Variants in DOCK1 observed in about 807,000 individuals in gnomAD.
The protein encoded by DOCK1 is dedicator of cytokinesis 1.
A neutral mutation model predicts 262.7 loss-of-function variants in DOCK1; 138 were observed. The ratio of observed to expected loss-of-function variants is 0.53; its 90% CI spans 0.46 to 0.61. DOCK1 has a LOEUF of 0.61. Among genes scored for constraint, DOCK1 ranks in the 20% least tolerant of loss-of-function variants. The pLI is 0.00. For synonymous variants in DOCK1, 866 were observed against 867.4 expected (o/e 1.00, Z 0.03); for missense variants, 1,908 against 2,370.7 (o/e 0.80, Z 4.05).
chr10:127,185,155 AAATAT>A (rs1250195654), intron 27 of DOCK1, among the ~76,000 whole-genome samples: 1 of 152,142 alleles, frequency 6.6e-6, no homozygotes, highest in Admixed American at 6.5e-5. Context: ...TCCTTAACAC[AAATAT>A]AAGTGTTCTG....
In DOCK1 at chr10:127,098,513, G is replaced by A. The variant is rs543706497; in HGVS notation, c.2446-7718G>A. 5.9e-5 allele frequency among the ~76,000 whole-genome samples: 9 copies of A among 152,246 alleles called. No homozygotes were observed. The South Asian group carries it at 6.2e-4, about 11-fold the overall frequency. ...GTCGAGCTTATCACATGCACAACAC[G>A]TCATTCCATTCTCCCACAGCCCCTT... On this transcript the variant is annotated intron_variant, in intron 23 of 51. Transcript: ENST00000623213.
chr10:127,346,730 G>T (rs1422794404), intron 31 of DOCK1, among the ~76,000 whole-genome samples: 2 of 152,264 alleles, frequency 1.3e-5, no homozygotes, highest in Non-Finnish European at 2.9e-5. Flanking sequence ...CAGCCAGCTG[G>T]TGTCGCCCCC....
intron 38 of DOCK1, chr10:127,402,760 C>T: frequency 1.8e-6 from 1 of 568,166 alleles, no homozygotes; most frequent in South Asian, 1.4e-5. Flanking sequence ...CAGCTGGCAG[C>T]AGGAGAGCAA....
At chr10:127,334,733 G>A (rs1239054946) in intron 29 of DOCK1, among the ~76,000 whole-genome samples, 1 of 152,064 alleles carries the variant, frequency 6.6e-6, no homozygotes, top group African/African-American at 2.4e-5. Context: ...CCATTTTTAG[G>A]ACAGCATTCC....
In DOCK1 at chr10:127,447,531, C is replaced by T. The variant is rs2070661160; in HGVS notation, c.5551C>T (p.Pro1851Ser). ...GGGCTCGCCAACACCTCCACCTCCC[C>T]CTCCACACCAGAGGGTAAGTCGGCA... Reference protein sequence around the residue: ...LLGSPTPPPPPPHQRHLPPPL... With the variant: ...LLGSPTPPPPSPHQRHLPPPL... Residue 1851 changes from proline (P) to serine (S), a missense_variant, in exon 51 of 52, where the codon CCT (proline) becomes TCT (serine). Pro to Ser is a moderately conservative substitution (Grantham distance 74, BLOSUM62 -1). This residue lies in a region of DOCK1 where 383 missense variants were observed against 420.1 expected (regional missense o/e 0.91). Transcript: ENST00000623213. 1.2e-6 allele frequency: 2 copies of T among 1,613,746 alleles called. No individual in the cohort carries two copies. Among genetic ancestry groups the T allele is most frequent in the African/African-American group, 1.3e-5 (1 of 74,922 alleles).
chr10:126,966,031 T>G (rs2037648706), intron 1 of DOCK1, among the ~76,000 whole-genome samples: 1 of 152,194 alleles, frequency 6.6e-6, no homozygotes, highest in Non-Finnish European at 1.5e-5. Context: ...CCCCCTACCC[T>G]TCTTAGGCTC....
chr10:127,102,009 G>C (rs1297002880), intron 23 of DOCK1, among the ~76,000 whole-genome samples: 1 of 152,146 alleles, frequency 6.6e-6, no homozygotes, highest in East Asian at 1.9e-4. Context: ...TTACGATTTA[G>C]TGCTCTTTTG....
chr10:127,224,754 T>A (rs1371469952), intron 27 of DOCK1, among the ~76,000 whole-genome samples: 8 of 151,784 alleles, frequency 5.3e-5, no homozygotes, highest in Admixed American at 5.3e-4. Flanking sequence ...TTAATGTTCA[T>A]ATGTATCTAT....
chr10:127,421,973 A>G (rs12241025), intron 46 of DOCK1, among the ~76,000 whole-genome samples: 40,374 of 151,762 alleles, frequency 0.27, 5,705 homozygotes, highest in African/African-American at 0.36. Flanking sequence ...CCTGCTTTCA[A>G]TACTCCCATA....
rs1281165437 is a variant in DOCK1, at chr10:127,447,653, G to A, written c.5565+108G>A. On this transcript the variant is annotated intron_variant, in intron 51 of 51. Transcript: ENST00000623213. Reference sequence around the variant, plus strand: ...GTTTACTTCGGGCTAGTGAGCACATGAGGAAAACCATGTATGATGGGCCCG... The same window carrying A: ...GTTTACTTCGGGCTAGTGAGCACATAAGGAAAACCATGTATGATGGGCCCG... The A allele has an allele frequency of 4.1e-6, 6 of 1,474,450 alleles. No individual in the cohort carries two copies. In the African/African-American group the frequency reaches 7.1e-5, roughly 17 times the overall value. The allele number at this position is 1,474,450 out of a possible 1,614,324, so 91.3% of individuals were successfully genotyped here. A position where few individuals can be genotyped will look rare whatever the true frequency, so the allele number is the denominator to read the frequency against.
chr10:127,283,031 CT>C (rs1251962005), intron 29 of DOCK1, among the ~76,000 whole-genome samples: 1 of 152,250 alleles, frequency 6.6e-6, no homozygotes, highest in Non-Finnish European at 1.5e-5. Flanking sequence ...TTAGAATGTG[CT>C]GGGAGAGCAG....
rs532891861 is a variant in DOCK1 at position 127,003,746 on chromosome 10, G to T, written c.985+3439G>T. Among the ~76,000 whole-genome samples, 76 of 152,238 alleles carry T rather than the reference G, an allele frequency of 5.0e-4. 1 individual carries two copies. In the South Asian group the frequency reaches 0.01, roughly 20 times the overall value. Reference sequence around the variant, plus strand: ...AGGTGGGCAGATCACATGAGTTTGGGTGTTCGAGACCAGCCTGGCCAACAT... The same window carrying T: ...AGGTGGGCAGATCACATGAGTTTGGTTGTTCGAGACCAGCCTGGCCAACAT... On this transcript the variant is annotated intron_variant, in intron 10 of 51. Coordinates refer to ENST00000623213, the MANE Select transcript of DOCK1 (RefSeq NM_001290223.2).
intron 49 of DOCK1, among the ~76,000 whole-genome samples, chr10:127,443,544 G>A (rs1191031816): frequency 6.6e-6 from 1 of 152,106 alleles, no homozygotes; most frequent in Admixed American, 6.6e-5. Flanking sequence ...TCCTGCCCAG[G>A]TTTGTGGGGC....
Position 126,999,249 on chromosome 10 carries a change from C to G in DOCK1, c.768-105C>G. 5.0e-6 allele frequency: 4 copies of G among 793,726 alleles called. No homozygotes were observed. In the South Asian group the frequency reaches 6.8e-5, roughly 13 times the overall value. 49.2% of individuals were successfully genotyped at this position (793,726 alleles called of 1,614,324 possible). A position where few individuals can be genotyped will look rare whatever the true frequency, so the allele number is the denominator to read the frequency against. On this transcript the variant is annotated intron_variant, in intron 8 of 51. Coordinates refer to ENST00000623213, the MANE Select transcript of DOCK1 (RefSeq NM_001290223.2). ...TGATATTTATAAACTCAATAGTTGT[C>G]TGTATAGTGCACGTACATGGTATTA...
At chr10:127,197,591 A>C (rs890632518) in intron 27 of DOCK1, among the ~76,000 whole-genome samples, 2 of 152,206 alleles carry the variant, frequency 1.3e-5, no homozygotes, top group Non-Finnish European at 2.9e-5. Flanking sequence ...TCAGAGAAGT[A>C]GTGGACCCCA....
chr10:127,052,227 A>C (rs1009065527), intron 21 of DOCK1, among the ~76,000 whole-genome samples: 2 of 152,210 alleles, frequency 1.3e-5, no homozygotes, highest in Non-Finnish European at 2.9e-5. Flanking sequence ...ACATTTACTG[A>C]TTAGAAAACG....
chr10:126,971,302 C>T (rs1447647266), intron 2 of DOCK1, among the ~76,000 whole-genome samples: 1 of 152,136 alleles, frequency 6.6e-6, no homozygotes, highest in African/African-American at 2.4e-5. Context: ...ATCTGCCCAC[C>T]TCAGCCTCCC....
Position 127,362,228 on chromosome 10 carries a change from T to G in DOCK1, c.3432+16T>G. The G allele has an allele frequency of 1.9e-6, 3 of 1,607,494 alleles. No individual in the cohort carries two copies. Among genetic ancestry groups the G allele is most frequent in the Non-Finnish European group, 2.5e-6 (3 of 1,176,916 alleles). ...CTTCCAAATGGTAAGGACGTAGATG[T>G]GCAGCGAGTGGCCGGGGGACATGAG... On this transcript the variant is annotated intron_variant, in intron 33 of 51. Coordinates refer to ENST00000623213, the MANE Select transcript of DOCK1 (RefSeq NM_001290223.2).
At chr10:127,263,639 C>T (rs1206128873) in intron 29 of DOCK1, among the ~76,000 whole-genome samples, 1 of 152,224 alleles carries the variant, frequency 6.6e-6, no homozygotes, top group Non-Finnish European at 1.5e-5. Flanking sequence ...CACTGAAGCT[C>T]TCAGGTTCTG....
Sources: allele counts gnomAD v4.1 joint callset (sites outside exome capture counted in the v4.1 genomes callset), GRCh38; gene constraint gnomAD v4.1.1; regional missense constraint gnomAD v4.1.1; transcripts MANE v1.5; gene names NCBI Gene and HGNC (gene_info 2026-07-23, HGNC 2026-07-21).